The following TULP4 variants were observed in gnomAD, a reference collection of about 807,000 sequenced individuals.
TULP4 encodes TUB like protein 4, also known as tubby-related protein 4.
In TULP4, 16 loss-of-function variants were observed where a neutral mutation model predicts 129.0. The observed-to-expected ratio is 0.12, with a 90% CI of 0.08 to 0.19. The LOEUF (loss-of-function observed/expected upper bound fraction) is 0.19, where lower values mean the gene tolerates loss of function less well. TULP4 is among the 10% of genes least tolerant of loss of function. TULP4 has a pLI of 1.00. For missense variants in TULP4, 1,842 were observed against 2,059.1 expected, an observed-to-expected ratio of 0.89 and a Z score of 2.04; for synonymous variants, 998 against 854.0, an observed-to-expected ratio of 1.17 and a Z score of -2.94.
At chr6:158,330,859 C>T (rs962415263) in intron 1 of TULP4, among the ~76,000 whole-genome samples, 2 of 152,082 alleles carry the variant, frequency 1.3e-5, no homozygotes, top group African/African-American at 4.8e-5. Flanking sequence ...GAAGAATGCT[C>T]CTCTTTCTTT....
In TULP4 at chr6:158,466,381, A is replaced by AT. The variant is rs562194849; in HGVS notation, c.1026+4660dup. 2.6e-3 allele frequency among the ~76,000 whole-genome samples: 387 copies of AT among 151,762 alleles called. 1 individual carries two copies. Among genetic ancestry groups the AT allele is most frequent in the African/African-American group, 8.8e-3 (365 of 41,372 alleles). On this transcript the variant is annotated intron_variant, in intron 6 of 13. Transcript: ENST00000367097. Reference sequence around the variant, plus strand: ...TTGCCAACATTGTCATTTTTCTGGGATTTTTTTTGGACTAACCATCCTCTT... The same window carrying AT: ...TTGCCAACATTGTCATTTTTCTGGGATTTTTTTTTGGACTAACCATCCTCTT...
intron 1 of TULP4, among the ~76,000 whole-genome samples, chr6:158,373,437 A>G (rs1777114980): frequency 6.6e-6 from 1 of 152,214 alleles, no homozygotes; most frequent in Admixed American, 6.5e-5. Flanking sequence ...ACTGCTGCCA[A>G]GGAGACTGAG....
intron 1 of TULP4, chr6:158,238,150 A>G (rs2128442328): frequency 4.0e-6 from 3 of 757,360 alleles, no homozygotes; most frequent in Non-Finnish European, 7.4e-6. Flanking sequence ...CTGCTTCTCA[A>G]TATTAGACAT....
chr6:158,369,426 G>A (rs111271453), intron 1 of TULP4, among the ~76,000 whole-genome samples: 16 of 152,188 alleles, frequency 1.1e-4, no homozygotes, highest in African/African-American at 2.9e-4. Flanking sequence ...TTAAGCCAGG[G>A]ACATCACGGC....
At chr6:158,295,931 C>A (rs924685495) in intron 1 of TULP4, among the ~76,000 whole-genome samples, 2 of 152,192 alleles carry the variant, frequency 1.3e-5, no homozygotes, top group East Asian at 3.8e-4. Context: ...AAGCAACACA[C>A]CTTTGTGTGC....
rs1381484637 is a variant in TULP4, at chr6:158,502,519, C to T, written c.2856C>T (p.Ser952=). Residue 952 remains serine (S), a synonymous_variant, in exon 13 of 14, where the codon TCC becomes TCT. Transcript: ENST00000367097. ...ACCGCCTGACCGTCCCTCGCTACTC[C>T]ATCCCCACCGGGGACCCACCCCCGT... ...TLNRLTVPRY[S]IPTGDPPPYP... is the part of the protein sequence containing the mutation. The T allele has an allele frequency of 3.1e-6, 5 of 1,611,936 alleles. No homozygotes were observed. Among genetic ancestry groups the T allele is most frequent in the East Asian group, 2.2e-5 (1 of 44,862 alleles).
chr6:158,263,932 A>G (rs573562314), intron 1 of TULP4, among the ~76,000 whole-genome samples: 2 of 152,150 alleles, frequency 1.3e-5, no homozygotes, highest in African/African-American at 4.8e-5. Flanking sequence ...GCGTGGTGGC[A>G]GGTGCCTGTA....
At position 158,502,880 on chromosome 6, in the gene TULP4, C is replaced by G. The variant is rs138666234; in HGVS notation, c.3217C>G (p.Pro1073Ala). 3.8e-5 allele frequency: 62 copies of G among 1,613,800 alleles called. No individual in the cohort carries two copies. Among genetic ancestry groups the G allele is most frequent in the Non-Finnish European group, 4.9e-5 (58 of 1,180,030 alleles). The part of the protein sequence containing the change: ...ASQSSYSLLS[P>A]PDSARDRTDY... ...CCAGTCCTCCTACAGCCTCCTGAGC[C>G]CACCCGACAGCGCCCGCGACCGCAC... Residue 1073 changes from proline to alanine, a missense_variant, in exon 13 of 14, where the codon CCA (proline) becomes GCA (alanine). By Grantham distance (27) the Pro-to-Ala change is conservative. Coordinates refer to ENST00000367097, the MANE Select transcript of TULP4 (RefSeq NM_020245.5).
intron 1 of TULP4, among the ~76,000 whole-genome samples, chr6:158,261,365 G>A (rs776021518): frequency 8.5e-5 from 13 of 152,232 alleles, no homozygotes; most frequent in Non-Finnish European, 1.5e-4. Context: ...AGTGGGTTAA[G>A]AAGCATAAGC....
At chr6:158,320,602 T>G (rs1779603143) in intron 1 of TULP4, among the ~76,000 whole-genome samples, 1 of 152,066 alleles carries the variant, frequency 6.6e-6, no homozygotes, top group Non-Finnish European at 1.5e-5. Flanking sequence ...CAGCTAATTT[T>G]TGTATTTTTA....
At position 158,479,829 on chromosome 6, in the gene TULP4, C is replaced by T; in HGVS notation, c.1105C>T (p.Arg369Cys). The change falls in exon 7 of 14, where the codon CGT (arginine) becomes TGT (cysteine). Residue 369 changes from arginine to cysteine, a missense_variant. Arg to Cys is a radical substitution (Grantham distance 180). Coordinates refer to ENST00000367097, the MANE Select transcript of TULP4 (RefSeq NM_020245.5). Reference sequence around the variant, plus strand: ...ATCAGGACCAGCCCTGTACGTGGTGCGTGTGGAGCACCGGGTGTCCAGCCT... The same window carrying T: ...ATCAGGACCAGCCCTGTACGTGGTGTGTGTGGAGCACCGGGTGTCCAGCCT... Reference protein sequence around the residue: ...MASGPALYVVRVEHRVSSLQL... With the variant: ...MASGPALYVVCVEHRVSSLQL... 1.2e-6 allele frequency: 2 copies of T among 1,614,092 alleles called. No individual in the cohort carries two copies. The highest frequency in any genetic ancestry group is 1.7e-6 in the Non-Finnish European group (2 of 1,180,030).
intron 2 of TULP4, among the ~76,000 whole-genome samples, chr6:158,426,234 C>G (rs1778489216): frequency 6.6e-6 from 1 of 152,104 alleles, no homozygotes; most frequent in Non-Finnish European, 1.5e-5. Flanking sequence ...TCAACTAGAT[C>G]TTGTTTATCA....
intron 1 of TULP4, among the ~76,000 whole-genome samples, chr6:158,366,981 G>A (rs188935705): frequency 6.6e-6 from 1 of 152,220 alleles, no homozygotes; most frequent in Admixed American, 6.5e-5. Flanking sequence ...AAGTATTGTG[G>A]CCTCTGCAGA....
chr6:158,503,270 G>A lies in TULP4; in HGVS notation c.3607G>A (p.Val1203Met), dbSNP rs752213120. The A allele has an allele frequency of 1.2e-6, 2 of 1,613,856 alleles. No individual in the cohort carries two copies. Among genetic ancestry groups the A allele is most frequent in the Non-Finnish European group, 1.7e-6 (2 of 1,180,004 alleles). The change falls in exon 13 of 14, where the codon GTG (valine) becomes ATG (methionine). Residue 1203 changes from valine (V) to methionine (M), a missense_variant. Physicochemically the swap from Val to Met is conservative, Grantham distance 21. Coordinates refer to ENST00000367097, the MANE Select transcript of TULP4 (RefSeq NM_020245.5). The surrounding 1 kb of genome is among the most constrained non-coding windows in gnomAD (Gnocchi z 4.3). ...GSYNNPPLPG[V>M]QAPCSPKDAL... ...CTATAACAACCCCCCTTTGCCTGGA[G>A]TGCAGGCTCCCTGCTCTCCCAAAGA...
At chr6:158,334,176 G>A (rs2114726441) in intron 1 of TULP4, among the ~76,000 whole-genome samples, 1 of 152,274 alleles carries the variant, frequency 6.6e-6, no homozygotes, top group East Asian at 1.9e-4. Context: ...ACCACCATGA[G>A]ATCCATATGA....
chr6:158,486,205 G>C (rs112661876), intron 8 of TULP4, among the ~76,000 whole-genome samples: 6 of 152,056 alleles, frequency 3.9e-5, no homozygotes, highest in African/African-American at 1.4e-4. Flanking sequence ...TTTGGAGTTA[G>C]GACTTACAGG....
At chr6:158,356,210 A>G (rs1408699612) in intron 1 of TULP4, among the ~76,000 whole-genome samples, 4 of 152,242 alleles carry the variant, frequency 2.6e-5, no homozygotes, top group African/African-American at 9.6e-5. Context: ...AAATTCCAGG[A>G]ATGGATGAAA....
intron 1 of TULP4, among the ~76,000 whole-genome samples, chr6:158,244,375 G>A (rs1777986662): frequency 6.6e-6 from 1 of 152,180 alleles, no homozygotes; most frequent in Admixed American, 6.5e-5. Flanking sequence ...CAGAGCTAAA[G>A]TAGATACCAT....
At chr6:158,418,863 T>C (rs1247635689) in intron 2 of TULP4, among the ~76,000 whole-genome samples, 1 of 152,226 alleles carries the variant, frequency 6.6e-6, no homozygotes, top group East Asian at 1.9e-4. Context: ...CTAAGAAGCT[T>C]CATTTTACTG....
Sources: gnomAD v4.1 joint callset for allele counts (sites outside exome capture counted in the v4.1 genomes callset) on GRCh38, gnomAD v4.1.1 for gene constraint, Gnocchi (gnomAD v3.1) non-coding constraint, MANE v1.5 for transcripts, NCBI Gene and HGNC (gene_info 2026-07-23, HGNC 2026-07-21) for gene names.